Variants in PIWIL2 observed in about 807,000 individuals in gnomAD.
The protein encoded by PIWIL2 is piwi-like protein 2.
Under a neutral mutation model 116.5 loss-of-function variants are expected in PIWIL2, and 81 were observed. That is an observed-to-expected ratio of 0.70 (90% confidence interval 0.58 to 0.84). PIWIL2 has a LOEUF of 0.84. PIWIL2 is among the 40% of genes least tolerant of loss of function. PIWIL2 has a pLI of 0.00. For missense variants in PIWIL2, 1,272 were observed against 1,212.3 expected, an observed-to-expected ratio of 1.05 and a Z score of -0.73; for synonymous variants, 489 against 429.5, an observed-to-expected ratio of 1.14 and a Z score of -1.71.
At chr8:22,289,590 C>T (rs1830710706) in intron 8 of PIWIL2, among the ~76,000 whole-genome samples, 1 of 152,170 alleles carries the variant, frequency 6.6e-6, no homozygotes, top group Non-Finnish European at 1.5e-5. Context: ...GTAATAAAAC[C>T]TTGGAAACCA....
chr8:22,291,206 A>T (rs1012731176), intron 10 of PIWIL2, among the ~76,000 whole-genome samples: 2 of 150,192 alleles, frequency 1.3e-5, no homozygotes, highest in Non-Finnish European at 3.0e-5. Flanking sequence ...GCTGAAGTGC[A>T]GTAGTGTGAT....
In PIWIL2 at chr8:22,353,156, C is replaced by A; in HGVS notation, c.2601C>A (p.Asn867Lys). Residue 867 changes from asparagine (N) to lysine (K), a missense_variant, in exon 21 of 23, where the codon AAC (asparagine) becomes AAA (lysine). By Grantham distance (94) the Asn-to-Lys change is moderately conservative. Coordinates refer to ENST00000356766, the MANE Select transcript of PIWIL2 (RefSeq NM_018068.5). Reference sequence around the variant, plus strand: ...ATCTATATCTGGCTGCTCCTCAGAACTTTGTAACTCCCACTCCTGGAACTG... The same window carrying A: ...ATCTATATCTGGCTGCTCCTCAGAAATTTGTAACTCCCACTCCTGGAACTG... Reference protein sequence around the residue: ...STNLYLAAPQNFVTPTPGTVV... With the variant: ...STNLYLAAPQKFVTPTPGTVV... 6.2e-7 allele frequency: 1 copy of A among 1,614,006 alleles called. No individual in the cohort carries two copies. Among genetic ancestry groups the A allele is most frequent in the Non-Finnish European group, 8.5e-7 (1 of 1,179,864 alleles).
intron 21 of PIWIL2, 27 bp from the exon 22 acceptor site, chr8:22,354,244 T>C (rs761860301): frequency 6.9e-7 from 1 of 1,445,810 alleles, no homozygotes; most frequent in East Asian, 2.3e-5. Context: ...TCCGACCATT[T>C]CACTGATTTA....
rs1197985513 is a variant in PIWIL2 at position 22,329,481 on chromosome 8, A to G, written c.2403+11206A>G. The stretch of plus-strand genomic sequence containing the variant: ...AAGCAGGAGTAAATGAGAGAGAGAG[A>G]AAGTGAGAGAGAAGAAGAGGCGGTA... On this transcript the variant is annotated intron_variant, in intron 20 of 22. Transcript: ENST00000356766. Among the ~76,000 whole-genome samples the G allele has an allele frequency of 2.6e-5, 4 of 152,278 alleles. No individual in the cohort carries two copies. The East Asian group carries it at 7.7e-4, about 29-fold the overall frequency.
chr8:22,279,279 G>A (rs1392659623), intron 1 of PIWIL2, 62 bp from the exon 2 acceptor site: 2 of 851,254 alleles, frequency 2.3e-6, no homozygotes, highest in African/African-American at 1.7e-5. Flanking sequence ...AATGCTTTGT[G>A]AGTGTGTCTT....
At chr8:22,325,481 C>CTTTTT (rs749493740) in intron 20 of PIWIL2, among the ~76,000 whole-genome samples, 55 of 95,022 alleles carry the variant, frequency 5.8e-4, no homozygotes, top group East Asian at 1.2e-3. Context: ...TTGATTTAGT[C>CTTTTT]TTTTTTTTTT....
At chr8:22,288,475 G>C (rs767223031) in intron 7 of PIWIL2, 67 bp from the exon 8 acceptor site, 3 of 1,322,234 alleles carry the variant, frequency 2.3e-6, no homozygotes, top group Non-Finnish European at 3.2e-6. Flanking sequence ...AGTTGAATTA[G>C]ATTAGGACTT....
At chr8:22,332,685 G>A (rs993579733) in intron 20 of PIWIL2, among the ~76,000 whole-genome samples, 4 of 152,020 alleles carry the variant, frequency 2.6e-5, no homozygotes, top group Admixed American at 6.6e-5. Context: ...TAATATAATA[G>A]CTACAAAGCA....
chr8:22,283,826 G>C (rs1830569473), intron 5 of PIWIL2, among the ~76,000 whole-genome samples: 1 of 152,180 alleles, frequency 6.6e-6, no homozygotes, highest in Non-Finnish European at 1.5e-5. Flanking sequence ...TTGTCATGTT[G>C]AAGATAAGGA....
chr8:22,330,354 T>C (rs1038155829), intron 20 of PIWIL2, among the ~76,000 whole-genome samples: 12 of 152,180 alleles, frequency 7.9e-5, no homozygotes, highest in African/African-American at 2.7e-4. Flanking sequence ...TCTCATACTT[T>C]CGTTAAGGTC....
intron 20 of PIWIL2, among the ~76,000 whole-genome samples, chr8:22,321,191 AT>A (rs111756879): frequency 7.4e-4 from 109 of 146,914 alleles, no homozygotes; most frequent in Middle Eastern, 3.5e-3. Context: ...AATCAAAAGA[AT>A]TTTTTTTTTT....
chr8:22,322,450 T>C (rs536275316), intron 20 of PIWIL2, among the ~76,000 whole-genome samples: 6 of 151,966 alleles, frequency 3.9e-5, no homozygotes, highest in African/African-American at 1.4e-4. Context: ...AGAGGGTCAC[T>C]ATATTGCTCA....
At chr8:22,281,000 T>G (rs893699810) in intron 2 of PIWIL2, 120 bp from the exon 3 acceptor site, 7 of 614,460 alleles carry the variant, frequency 1.1e-5, no homozygotes, top group Admixed American at 9.7e-5. Context: ...AATGTTTCCC[T>G]TTATTCTTAT....
At chr8:22,323,654 A>C (rs191854853) in intron 20 of PIWIL2, among the ~76,000 whole-genome samples, 53 of 152,324 alleles carry the variant, frequency 3.5e-4, no homozygotes, top group Non-Finnish European at 1.8e-4. Flanking sequence ...GAATCTTCCC[A>C]ACAATATTAG....
intron 20 of PIWIL2, among the ~76,000 whole-genome samples, chr8:22,325,827 A>G (rs1831712247): frequency 6.6e-6 from 1 of 152,098 alleles, no homozygotes; most frequent in Non-Finnish European, 1.5e-5. Context: ...TGCATCTACC[A>G]GCAGGTATGC....
chr8:22,344,179 A>G (rs145598481), intron 20 of PIWIL2, among the ~76,000 whole-genome samples: 54 of 152,338 alleles, frequency 3.5e-4, no homozygotes, highest in Middle Eastern at 3.4e-3. Context: ...GAGAATGCAT[A>G]AATGTGGTGA....
intron 10 of PIWIL2, 145 bp downstream of exon 10, chr8:22,290,491 G>A: frequency 3.5e-6 from 2 of 565,218 alleles, no homozygotes; most frequent in Non-Finnish European, 6.6e-6. Context: ...ACCCTGGCTG[G>A]AGTACAGTGG....
intron 10 of PIWIL2, among the ~76,000 whole-genome samples, chr8:22,302,959 C>T (rs1005306649): frequency 1.3e-5 from 2 of 152,202 alleles, no homozygotes; most frequent in Non-Finnish European, 2.9e-5. Flanking sequence ...TGCTTTTCTC[C>T]ATTGCCACTT....
chr8:22,334,948 A>G (rs1377289345), intron 20 of PIWIL2, among the ~76,000 whole-genome samples: 1 of 151,100 alleles, frequency 6.6e-6, no homozygotes, highest in African/African-American at 2.4e-5. Context: ...CCAGCTACTC[A>G]GGAGGCTGAG....
Sources: gnomAD v4.1 joint callset for allele counts (sites outside exome capture counted in the v4.1 genomes callset) on GRCh38, gnomAD v4.1.1 for gene constraint, MANE v1.5 for transcripts, NCBI Gene and HGNC (gene_info 2026-07-23, HGNC 2026-07-21) for gene names.